Variants in LEKR1 observed in about 807,000 individuals in gnomAD.
LEKR1 encodes protein LEKR1.
A neutral mutation model predicts 72.4 loss-of-function variants in LEKR1; 59 were observed. That is an observed-to-expected ratio of 0.82 (90% CI 0.66 to 1.01). LEKR1 has a LOEUF of 1.01. Ranked by LOEUF, LEKR1 falls within the 50% of genes least tolerant of loss-of-function variation. The pLI is 0.00. For synonymous variants in LEKR1, 257 were observed against 263.2 expected (o/e 0.98, Z 0.23); for missense variants, 728 against 759.2 (o/e 0.96, Z 0.48).
At position 156,997,714 on chromosome 3, in the gene LEKR1, G is replaced by A. The variant is rs532878920; in HGVS notation, c.1109+4437G>A. On this transcript the variant is annotated intron_variant, in intron 9 of 12. Transcript: ENST00000356539. Reference sequence around the variant, plus strand: ...AGAGCCCTTACTGAGGTCACAAATTGTGCAGTTTAGAAGCTGTGTATTTCA... The same window carrying A: ...AGAGCCCTTACTGAGGTCACAAATTATGCAGTTTAGAAGCTGTGTATTTCA... Among the ~76,000 whole-genome samples the A allele has an allele frequency of 2.6e-5, 4 of 152,312 alleles. No individual in the cohort carries two copies. In the East Asian group the frequency reaches 5.8e-4, roughly 22 times the overall value.
At position 157,045,765 on chromosome 3, in the gene LEKR1, C is replaced by A. The variant is rs1431097435; in HGVS notation, c.*15C>A. 3.7e-6 allele frequency: 6 copies of A among 1,601,920 alleles called. No homozygotes were observed. The highest frequency in any genetic ancestry group is 1.6e-4 in the Middle Eastern group (1 of 6,066). On this transcript the variant is annotated 3_prime_UTR_variant, in exon 13 of 13. Coordinates refer to ENST00000356539, the MANE Select transcript of LEKR1 (RefSeq NM_001004316.3). ...GTCAGCAATGATCCAAAATGAGGAG[C>A]AGGAAGCTCCCTACAGCGTGCACGC...
Position 156,992,652 on chromosome 3 carries a change from G to C in LEKR1, c.828-1G>C, listed in dbSNP as rs1210027173. 3 of 724,858 alleles carry C rather than the reference G, an allele frequency of 4.1e-6. No homozygotes were observed. The highest frequency in any genetic ancestry group is 5.5e-6 in the Non-Finnish European group (3 of 544,560). The allele number at this position is 724,858 out of a possible 1,614,324, so 44.9% of individuals were successfully genotyped here. ...TTTTAACTTCTTTTGTATTATTTTAGGAATAAATCTAATGAAGCTGATGAC... is the reference window on the plus strand; with the variant it reads ...TTTTAACTTCTTTTGTATTATTTTACGAATAAATCTAATGAAGCTGATGAC... On this transcript the variant is annotated splice_acceptor_variant, in intron 7 of 12. Coordinates refer to ENST00000356539, the MANE Select transcript of LEKR1 (RefSeq NM_001004316.3). LOFTEE classifies it high-confidence loss of function.
At chr3:156,937,769 A>G (rs1725850897) in intron 5 of LEKR1, among the ~76,000 whole-genome samples, 1 of 152,174 alleles carries the variant, frequency 6.6e-6, no homozygotes. Context: ...AACAACCCAA[A>G]TGTCCTTCAA....
intron 12 of LEKR1, among the ~76,000 whole-genome samples, chr3:157,045,112 C>T (rs1315858868): frequency 2.0e-5 from 3 of 152,204 alleles, no homozygotes; most frequent in African/African-American, 7.2e-5. Context: ...CTTGACTCCT[C>T]ATCTGCAAAC....
At chr3:156,991,177 G>C (rs1198372801) in intron 7 of LEKR1, among the ~76,000 whole-genome samples, 1 of 152,094 alleles carries the variant, frequency 6.6e-6, no homozygotes, top group African/African-American at 2.4e-5. Context: ...TTATTCATGA[G>C]AATGGTTACT....
chr3:156,882,595 A>T (rs1358599891), intron 3 of LEKR1, among the ~76,000 whole-genome samples: 1 of 152,198 alleles, frequency 6.6e-6, no homozygotes. Flanking sequence ...TCAGTGTGGC[A>T]ATTCCTCAGG....
chr3:157,010,070 C>G (rs1382411030), intron 9 of LEKR1, among the ~76,000 whole-genome samples: 1 of 152,006 alleles, frequency 6.6e-6, no homozygotes, highest in Admixed American at 6.6e-5. Flanking sequence ...TATCATCCCT[C>G]TTATTTCTGA....
intron 3 of LEKR1, among the ~76,000 whole-genome samples, chr3:156,873,069 C>A (rs946185764): frequency 1.3e-5 from 2 of 151,866 alleles, no homozygotes; most frequent in Non-Finnish European, 2.9e-5. Flanking sequence ...TCTGTCTCAC[C>A]TTTTCAATCT....
chr3:156,866,770 G>C (rs572036574), intron 3 of LEKR1, among the ~76,000 whole-genome samples: 53 of 151,968 alleles, frequency 3.5e-4, no homozygotes, highest in South Asian at 8.3e-4. Flanking sequence ...TGGGTGAGTA[G>C]GTAGATGGAT....
At chr3:156,901,490 A>G (rs1239525740) in intron 3 of LEKR1, among the ~76,000 whole-genome samples, 1 of 152,132 alleles carries the variant, frequency 6.6e-6, no homozygotes, top group Non-Finnish European at 1.5e-5. Flanking sequence ...TCATGTACGT[A>G]GTGGGCTTGT....
At chr3:156,963,862 GAGCACCAA>G (rs1380624594) in intron 6 of LEKR1, among the ~76,000 whole-genome samples, 4 of 152,126 alleles carry the variant, frequency 2.6e-5, no homozygotes, top group Non-Finnish European at 5.9e-5. Flanking sequence ...CACTGCCTAG[GAGCACCAA>G]AGCATATACA....
At chr3:156,899,621 T>C (rs144662280) in intron 3 of LEKR1, among the ~76,000 whole-genome samples, 7,893 of 98,904 alleles carry the variant, frequency 0.08, 415 homozygotes, top group South Asian at 0.14. Context: ...CACACATATA[T>C]ACACATATAT....
chr3:156,899,267 C>T (rs1262933940), intron 3 of LEKR1, among the ~76,000 whole-genome samples: 1 of 145,190 alleles, frequency 6.9e-6, no homozygotes, highest in East Asian at 2.0e-4. Context: ...TATATATATA[C>T]ACACATGTAT....
At chr3:156,826,863 A>C (rs760858454) in intron 1 of LEKR1, 1 of 155,534 alleles carries the variant, frequency 6.4e-6, no homozygotes, top group East Asian at 1.9e-4. Context: ...TCTTTACGTA[A>C]GGGCTTGAAA....
At position 156,988,119 on chromosome 3, in the gene LEKR1, A is replaced by C. The variant is rs187840925; in HGVS notation, c.828-4534A>C. The C allele has an allele frequency of 2.5e-5, 4 of 159,324 alleles. No homozygotes were observed. The East Asian group carries it at 6.9e-4, about 28-fold the overall frequency. The allele number at this position is 159,324 out of a possible 1,614,324, so 9.9% of individuals were successfully genotyped here. A position where few individuals can be genotyped will look rare whatever the true frequency, so the allele number is the denominator to read the frequency against. ...TCAGCTGGTTGGCAGAGGCACTTTCACTCCAACATGTGCAGGAACACCAAG... is the reference window on the plus strand; with the variant it reads ...TCAGCTGGTTGGCAGAGGCACTTTCCCTCCAACATGTGCAGGAACACCAAG... On this transcript the variant is annotated intron_variant, in intron 7 of 12. Transcript: ENST00000356539.
intron 3 of LEKR1, among the ~76,000 whole-genome samples, chr3:156,873,917 A>G (rs1323159641): frequency 1.3e-5 from 2 of 152,040 alleles, no homozygotes; most frequent in Middle Eastern, 3.4e-3. Flanking sequence ...TTCTGTTGCT[A>G]TTTTTAGAAT....
chr3:156,924,390 T>C, intron 4 of LEKR1: 1 of 532,868 alleles, frequency 1.9e-6, no homozygotes, highest in Non-Finnish European at 3.3e-6. Flanking sequence ...AACTATGATT[T>C]GCAAATATTT....
intron 2 of LEKR1, among the ~76,000 whole-genome samples, chr3:156,844,954 G>C (rs752879410): frequency 2.0e-5 from 3 of 150,482 alleles, no homozygotes; most frequent in Non-Finnish European, 4.4e-5. Context: ...TCCAGAGTGG[G>C]TATACCATTT....
At chr3:156,971,310 C>A (rs1729163531) in intron 6 of LEKR1, among the ~76,000 whole-genome samples, 1 of 152,032 alleles carries the variant, frequency 6.6e-6, no homozygotes, top group South Asian at 2.1e-4. Context: ...AAACTGGATC[C>A]CTTCCTTACA....
Sources: gnomAD v4.1 joint callset for allele counts (sites outside exome capture counted in the v4.1 genomes callset) on GRCh38, gnomAD v4.1.1 for gene constraint, MANE v1.5 for transcripts, NCBI Gene and HGNC (gene_info 2026-07-23, HGNC 2026-07-21) for gene names.